CPSF1: variants seen among roughly 807,000 people sequenced by gnomAD.
The protein encoded by CPSF1 is cleavage and polyadenylation specific factor 1.
In CPSF1, 106 loss-of-function variants were observed where a neutral mutation model predicts 175.8. That is an observed-to-expected ratio of 0.60 (90% CI 0.52 to 0.71). The LOEUF is 0.71. Among genes scored for constraint, CPSF1 ranks in the 30% least tolerant of loss-of-function variants. The pLI is 0.00. For synonymous variants in CPSF1, 1,024 were observed against 858.3 expected (o/e 1.19, Z -3.37); for missense variants, 1,734 against 2,022.9 (o/e 0.86, Z 2.74).
intron 26 of CPSF1, chr8:144,396,088 TGCGAGGGCTTGCCCG>T: frequency 3.7e-6 from 2 of 537,426 alleles, no homozygotes; most frequent in East Asian, 6.2e-5. Context: ...GGCCAGGCCC[TGCGAGGGCTTGCCCG>T]GCGAGCCGGC....
rs529846956 is a variant in CPSF1 at position 144,393,576 on chromosome 8, T to C, written c.4160A>G (p.Asp1387Gly). The C allele has an allele frequency of 1.9e-6, 3 of 1,604,662 alleles. No individual in the cohort carries two copies. The highest frequency in any genetic ancestry group is 2.2e-5 in the South Asian group (2 of 89,204). The change falls in exon 37 of 38, where the codon GAC becomes GGC. Residue 1387 changes from aspartate (D) to glycine (G), a missense_variant. By Grantham distance (94) the Asp-to-Gly change is moderately conservative. This residue lies in a region of CPSF1 where 323 missense variants were observed against 338.5 expected (regional missense o/e 0.95). Transcript: ENST00000616140. ...NPRAFRMLHV[D>G]RRTLQNAVRN... is the part of the protein sequence containing the mutation. Reference sequence around the variant, plus strand: ...CACGGCATTCTGGAGGGTGCGGCGGTCCACGTGCAGCATCCTGGGGCGTAC... The same window carrying C: ...CACGGCATTCTGGAGGGTGCGGCGGCCCACGTGCAGCATCCTGGGGCGTAC...
At chr8:144,398,226 TC>T (rs1820908067) in intron 19 of CPSF1, 75 bp downstream of exon 19, 10 of 708,250 alleles carry the variant, frequency 1.4e-5, no homozygotes, top group East Asian at 3.9e-5. Context: ...CCCAACCACC[TC>T]CCCCCCACCG....
rs2116884394 is a variant in CPSF1 at position 144,401,423 on chromosome 8, C to T, written c.306+7G>A. 4.3e-6 allele frequency: 7 copies of T among 1,613,894 alleles called. No individual in the cohort carries two copies. In the South Asian group the frequency reaches 6.6e-5, roughly 15 times the overall value. ...GCCAGGCCTACCCCACCAAGCCTACCACTCACCTTGGCATCCTTGAAGCTT... is the reference window on the plus strand; with the variant it reads ...GCCAGGCCTACCCCACCAAGCCTACTACTCACCTTGGCATCCTTGAAGCTT... On this transcript the variant is annotated splice_region_variant and intron_variant, in intron 4 of 37. Transcript: ENST00000616140.
chr8:144,396,407 AGTCGACCGGGCC>A lies in CPSF1; in HGVS notation c.2908_2919del (p.Gly970_Asp973del). The A allele has an allele frequency of 6.3e-7, 1 of 1,591,284 alleles. No homozygotes were observed. Among genetic ancestry groups the A allele is most frequent in the South Asian group, 1.1e-5 (1 of 88,604 alleles). The stretch of plus-strand genomic sequence containing the variant: ...TTGACATTGTGGAATGGAGCGAAAG[AGTCGACCGGGCC>A]GTCGATGGCCATGGGGTGTAGCCGC... On this transcript the variant is annotated inframe_deletion, in exon 26 of 38. Transcript: ENST00000616140.
chr8:144,395,218 T>A, intron 28 of CPSF1, 36 bp from the exon 29 acceptor site: 1 of 1,612,704 alleles, frequency 6.2e-7, no homozygotes, highest in Non-Finnish European at 8.5e-7. Flanking sequence ...GAGTAGGGCT[T>A]CCCCAAGATG....
chr8:144,394,482 T>A lies in CPSF1; in HGVS notation c.3641A>T (p.Gln1214Leu). 1 of 1,609,452 alleles carries A rather than the reference T, an allele frequency of 6.2e-7. No individual in the cohort carries two copies. ...AFIDTQLYIH[Q>L]MISVKNFILA... ...GATGAAGTTCTTGACGCTGATCATC[T>A]GGTGTATGTAGAGCTGCGTGTCGAT... is the stretch of plus-strand genomic sequence containing the variant. The change falls in exon 32 of 38, where the codon CAG becomes CTG. Residue 1214 changes from glutamine (Q) to leucine (L), a missense_variant. Physicochemically the swap from Gln to Leu is moderately radical, Grantham distance 113 (BLOSUM62 -2). Coordinates refer to ENST00000616140, the MANE Select transcript of CPSF1 (RefSeq NM_013291.3).
chr8:144,398,483 G>C (rs2116850351), intron 18 of CPSF1, 40 bp from the exon 19 acceptor site: 1 of 1,607,824 alleles, frequency 6.2e-7, no homozygotes, highest in Non-Finnish European at 8.5e-7. Context: ...CCCCGCAGGG[G>C]ACCCCAGCCC....
At chr8:144,400,135 G>GGGGGGGGGGCCCCCCCCCCCCC in intron 9 of CPSF1, 31 bp downstream of exon 9, 2 of 896,010 alleles carry the variant, frequency 2.2e-6, no homozygotes, top group South Asian at 1.6e-5. Context: ...CCGTCCCCGG[G>GGGGGGGGGGCCCCCCCCCCCCC]CCCCCCCCGC....
chr8:144,393,412 C>T (rs1423960230), intron 37 of CPSF1, 40 bp downstream of exon 37: 1 of 681,194 alleles, frequency 1.5e-6, no homozygotes, highest in Non-Finnish European at 2.1e-6. Context: ...GGGATGCACA[C>T]GGAGGGGCGG....
At chr8:144,400,589 C>A in intron 7 of CPSF1, 82 bp downstream of exon 7, 1 of 1,600,586 alleles carries the variant, frequency 6.2e-7, no homozygotes, top group South Asian at 1.1e-5. Context: ...CCATAGGCCC[C>A]GCCCTAAACC....
chr8:144,405,527 G>A lies in CPSF1; in HGVS notation c.144+3488C>T, dbSNP rs146761872. On this transcript the variant is annotated intron_variant, in intron 2 of 37. Transcript: ENST00000616140. Reference sequence around the variant, plus strand: ...TAATCCCAGCTACTCGGGAGGTTGAGGCAGGAGAACTGCTTGAACCCGGGA... The same window carrying A: ...TAATCCCAGCTACTCGGGAGGTTGAAGCAGGAGAACTGCTTGAACCCGGGA... Among the ~76,000 whole-genome samples, 283 of 152,300 alleles carry A rather than the reference G, an allele frequency of 1.9e-3. 2 individuals carry two copies. The highest frequency in any genetic ancestry group is 6.4e-3 in the African/African-American group (264 of 41,560).
At chr8:144,398,483 GACCCCA>G (rs2116850456) in intron 18 of CPSF1, 36 bp downstream of exon 18, 16 of 1,607,824 alleles carry the variant, frequency 1.0e-5, no homozygotes, top group Non-Finnish European at 1.3e-5. Flanking sequence ...CCCCGCAGGG[GACCCCA>G]GCCCCAGGTC....
chr8:144,400,700 G>A lies in CPSF1; in HGVS notation c.657C>T (p.Ile219=), dbSNP rs146593751. The A allele has an allele frequency of 3.3e-4, 533 of 1,610,740 alleles. 1 individual carries two copies. Among genetic ancestry groups the A allele is most frequent in the Non-Finnish European group, 4.1e-4 (488 of 1,178,644 alleles). Residue 219 remains isoleucine, a synonymous_variant, in exon 7 of 38, where the codon ATC becomes ATT. Coordinates refer to ENST00000616140, the MANE Select transcript of CPSF1 (RefSeq NM_013291.3). ...LHGYYEPTLL[I]LFEPNQTWPG... is the part of the protein sequence containing the mutation. ...GCCAGGTCTGGTTGGGCTCAAACAG[G>A]ATGAGGAGGGTAGGCTCGTAGTAGC...
At chr8:144,393,403 G>A (rs1554861984) in intron 37 of CPSF1, 38 bp from the exon 38 acceptor site, 5 of 980,048 alleles carry the variant, frequency 5.1e-6, no homozygotes, top group African/African-American at 1.8e-5. Context: ...GGGTGGGTGG[G>A]GATGCACACG....
chr8:144,398,895 G>A lies in CPSF1; in HGVS notation c.1549-27C>T, dbSNP rs2116855999. 3.9e-5 allele frequency: 63 copies of A among 1,609,358 alleles called. No homozygotes were observed. The South Asian group carries it at 6.2e-4, about 16-fold the overall frequency. ...TAGAATGATGATGGGGTGGGGGTGT[G>A]ATGGGGGTGTGAGCCCACCCAGGTC... On this transcript the variant is annotated intron_variant, in intron 16 of 37. Transcript: ENST00000616140.
chr8:144,398,592 G>C lies in CPSF1; in HGVS notation c.1685C>G (p.Thr562Ser). 6.2e-7 allele frequency: 1 copy of C among 1,613,938 alleles called. No individual in the cohort carries two copies. The highest frequency in any genetic ancestry group is 8.5e-7 in the Non-Finnish European group (1 of 1,179,982). Residue 562 changes from threonine to serine, a missense_variant, in exon 18 of 38, where the codon ACC becomes AGC. Physicochemically the swap from Thr to Ser is moderately conservative, Grantham distance 58 (BLOSUM62 1). Around this residue, in one of 10 missense-constraint regions of CPSF1, gnomAD observed 280 missense variants for 349.2 expected, o/e 0.80. Coordinates refer to ENST00000616140, the MANE Select transcript of CPSF1 (RefSeq NM_013291.3). Reference sequence around the variant, plus strand: ...GCGGCCGTCGTCGTCTGCTTCAGGGGTGGTGCTGGGTTCCTGCTCTGTGCC... The same window carrying C: ...GCGGCCGTCGTCGTCTGCTTCAGGGCTGGTGCTGGGTTCCTGCTCTGTGCC... ...GEGTEQEPST[T>S]PEADDDGRRH...
Position 144,395,262 on chromosome 8 carries a change from C to CAT in CPSF1, c.3187+2_3187+3insAT, listed in dbSNP as rs1820644938. 1 of 1,612,900 alleles carries CAT rather than the reference C, an allele frequency of 6.2e-7. No individual in the cohort carries two copies. Among genetic ancestry groups the CAT allele is most frequent in the Admixed American group, 1.7e-5 (1 of 59,962 alleles). ...GATGGGAGTATGGTGTGGGCGTCACCACCTCTCTCGATGGTCTCAAACTCC... is the reference window on the plus strand; with the variant it reads ...GATGGGAGTATGGTGTGGGCGTCACCATACCTCTCTCGATGGTCTCAAACTCC... On this transcript the variant is annotated splice_region_variant and intron_variant, in intron 28 of 37. Transcript: ENST00000616140.
Position 144,399,663 on chromosome 8 carries a change from G to C in CPSF1, c.1167C>G (p.Gly389=). 6.2e-7 allele frequency: 1 copy of C among 1,610,552 alleles called. No individual in the cohort carries two copies. The highest frequency in any genetic ancestry group is 8.5e-7 in the Non-Finnish European group (1 of 1,178,568). ...PGYLFLGSRL[G]NSLLLKYTEK... ...CCGTGTACTTGAGGAGGAGGGAATT[G>C]CCCAGGCGAGAACCCAGGAACAGGT... is the stretch of plus-strand genomic sequence containing the variant. Residue 389 remains glycine (G), a synonymous_variant, in exon 12 of 38, where the codon GGC becomes GGG. Transcript: ENST00000616140. The surrounding 1 kb of genome is among the most constrained non-coding windows in gnomAD (Gnocchi z 6.4).
Position 144,409,015 on chromosome 8 carries a change from C to G in CPSF1, c.144G>C (p.Glu48Asp). The G allele has an allele frequency of 6.2e-7, 1 of 1,612,734 alleles. No individual in the cohort carries two copies. Residue 48 changes from glutamate to aspartate, a missense_variant and splice_region_variant, in exon 2 of 38, where the codon GAG becomes GAC. Coordinates refer to ENST00000616140, the MANE Select transcript of CPSF1 (RefSeq NM_013291.3). ...LYVYRLNRDA[E>D]ALTKNDRSTE... ...GGAGGGCTCCCAGGGCCCGACCTAC[C>G]TCGGCGTCGCGGTTGAGGCGGTACA...
Sources: allele counts gnomAD v4.1 joint callset (sites outside exome capture counted in the v4.1 genomes callset), GRCh38; gene constraint gnomAD v4.1.1; regional missense constraint gnomAD v4.1.1; non-coding constraint Gnocchi (gnomAD v3.1); transcripts MANE v1.5; gene names NCBI Gene and HGNC (gene_info 2026-07-23, HGNC 2026-07-21).